The following ZBTB41 variants were observed in gnomAD, a reference collection of about 807,000 sequenced individuals.
The protein encoded by ZBTB41 is zinc finger and BTB domain-containing protein 41.
In ZBTB41, 42 loss-of-function variants were observed where a neutral mutation model predicts 87.6. The ratio of observed to expected loss-of-function variants is 0.48; its 90% CI spans 0.37 to 0.62. The LOEUF is 0.62. ZBTB41 is among the 20% of genes least tolerant of loss of function. The pLI is 0.00. For synonymous variants in ZBTB41, 364 were observed against 364.0 expected, an observed-to-expected ratio of 1.00 and a Z score of 0.00; for missense variants, 799 against 1,078.9, an observed-to-expected ratio of 0.74 and a Z score of 3.63.
chr1:197,187,442 T>C lies in ZBTB41; in HGVS notation c.1546+850A>G, dbSNP rs114882462. On this transcript the variant is annotated intron_variant, in intron 5 of 10. Transcript: ENST00000367405. Reference sequence around the variant, plus strand: ...GGATGCTCCAGTCCGTTATCTAAAGTGGTGTAGTATTTACATGGAAACTAT... The same window carrying C: ...GGATGCTCCAGTCCGTTATCTAAAGCGGTGTAGTATTTACATGGAAACTAT... Among the ~76,000 whole-genome samples, 1,190 of 152,278 alleles carry C rather than the reference T, an allele frequency of 7.8e-3. 10 individuals carry two copies. The highest frequency in any genetic ancestry group is 0.026 in the African/African-American group (1,081 of 41,550).
At chr1:197,180,679 A>C (rs1213731809) in intron 6 of ZBTB41, among the ~76,000 whole-genome samples, 2 of 152,064 alleles carry the variant, frequency 1.3e-5, no homozygotes, top group Non-Finnish European at 1.5e-5. Flanking sequence ...TTCATGTTAC[A>C]TTTCTGTTCT....
intron 9 of ZBTB41, 70 bp downstream of exon 9, chr1:197,174,939 CA>C (rs1659566205): frequency 1.2e-5 from 15 of 1,269,388 alleles, no homozygotes; most frequent in Middle Eastern, 1.9e-4. Context: ...ACAAAGTAAA[CA>C]AAAAAAGTTA....
chr1:197,188,190 T>C, intron 5 of ZBTB41, 102 bp downstream of exon 5: 1 of 1,387,676 alleles, frequency 7.2e-7, no homozygotes, highest in Non-Finnish European at 9.9e-7. Context: ...TCTTAAAAAG[T>C]CTTTTAGAAG....
At chr1:197,194,431 T>G (rs943069823) in intron 2 of ZBTB41, among the ~76,000 whole-genome samples, 10 of 152,174 alleles carry the variant, frequency 6.6e-5, no homozygotes, top group Admixed American at 5.9e-4. Context: ...AGATGTTAAA[T>G]TAATAATTAG....
chr1:197,197,138 T>A (rs938018237), intron 2 of ZBTB41, among the ~76,000 whole-genome samples: 2 of 151,988 alleles, frequency 1.3e-5, no homozygotes, highest in African/African-American at 2.4e-5. Context: ...TTAATCCTCA[T>A]AATAACCTTT....
intron 4 of ZBTB41, among the ~76,000 whole-genome samples, chr1:197,189,386 C>T (rs951673189): frequency 2.6e-5 from 4 of 151,934 alleles, no homozygotes; most frequent in Admixed American, 6.6e-5. Context: ...ATTAGTTGGG[C>T]GTGGTAGTGT....
intron 8 of ZBTB41, among the ~76,000 whole-genome samples, chr1:197,176,219 A>T (rs1219635466): frequency 1.3e-5 from 2 of 152,102 alleles, no homozygotes; most frequent in Non-Finnish European, 2.9e-5. Context: ...AATCAAAATG[A>T]GAAAAATTAT....
intron 8 of ZBTB41, chr1:197,175,992 C>G (rs911067635): frequency 3.3e-5 from 5 of 152,044 alleles, no homozygotes; most frequent in Non-Finnish European, 7.4e-5. Flanking sequence ...AGTTGGCTCT[C>G]TTAGCACTTC....
At chr1:197,166,864 C>A (rs138866941) in intron 10 of ZBTB41, among the ~76,000 whole-genome samples, 2,086 of 151,732 alleles carry the variant, frequency 0.014, 16 homozygotes, top group African/African-American at 0.028. Flanking sequence ...ACAACAACAA[C>A]AAAAAAATTT....
chr1:197,200,455 C>G lies in ZBTB41; in HGVS notation c.19G>C (p.Val7Leu), dbSNP rs746076257. Reference sequence around the variant, plus strand: ...TGGATCTTCTCAAGATTTGAAGTAACCTTTCTCCTCTTCTTCATTGCAGTA... The same window carrying G: ...TGGATCTTCTCAAGATTTGAAGTAAGCTTTCTCCTCTTCTTCATTGCAGTA... MKKRRKVTSNLEKIHLG... is the reference protein window; with the variant it reads MKKRRKLTSNLEKIHLG... Residue 7 changes from valine (V) to leucine (L), a missense_variant, in exon 2 of 11, where the codon GTT (valine) becomes CTT (leucine). Around this residue, in one of 5 missense-constraint regions of ZBTB41, gnomAD observed 77 missense variants for 68.4 expected, o/e 1.13. Transcript: ENST00000367405. The G allele has an allele frequency of 1.3e-6, 2 of 1,593,930 alleles. No homozygotes were observed. Among genetic ancestry groups the G allele is most frequent in the Admixed American group, 1.8e-5 (1 of 55,114 alleles).
At position 197,156,375 on chromosome 1, in the gene ZBTB41, T is replaced by G. The variant is rs1275804587; in HGVS notation, c.*2984A>C. ...TAGATTAACACATTCCTGCACTTGA[T>G]AAATTATTCAATTTACAGATTAAGT... On this transcript the variant is annotated 3_prime_UTR_variant, in exon 11 of 11. Coordinates refer to ENST00000367405, the MANE Select transcript of ZBTB41 (RefSeq NM_194314.3). 1 of 152,262 alleles carries G rather than the reference T, an allele frequency of 6.6e-6. No homozygotes were observed. Among genetic ancestry groups the G allele is most frequent in the Non-Finnish European group, 1.5e-5 (1 of 67,754 alleles). 9.4% of individuals were successfully genotyped at this position (152,262 alleles called of 1,614,324 possible).
chr1:197,198,961 C>T (rs1227089704), intron 2 of ZBTB41, among the ~76,000 whole-genome samples: 1 of 151,988 alleles, frequency 6.6e-6, no homozygotes, highest in Non-Finnish European at 1.5e-5. Context: ...TTACCATGCA[C>T]GGGGAAAACA....
At chr1:197,185,622 C>T (rs887044461) in intron 5 of ZBTB41, among the ~76,000 whole-genome samples, 1 of 151,378 alleles carries the variant, frequency 6.6e-6, no homozygotes, top group Non-Finnish European at 1.5e-5. Context: ...AAAAACCCCC[C>T]AACACACACA....
rs771569571 is a variant in ZBTB41, at chr1:197,159,810, T to C, written c.2279A>G (p.Glu760Gly). Residue 760 changes from glutamate to glycine, a missense_variant, in exon 11 of 11, where the codon GAG becomes GGG. This residue lies in a region of ZBTB41 where 171 missense variants were observed against 191.9 expected (regional missense o/e 0.89). Coordinates refer to ENST00000367405, the MANE Select transcript of ZBTB41 (RefSeq NM_194314.3). Reference sequence around the variant, plus strand: ...AACTGGCAAGGATACAAGTTTTTCCTCAGAAGTACTGAGAGGATCATCAGG... The same window carrying C: ...AACTGGCAAGGATACAAGTTTTTCCCCAGAAGTACTGAGAGGATCATCAGG... ...KSPDDPLSTS[E>G]EKLVSLPVEY... The C allele has an allele frequency of 6.2e-7, 1 of 1,614,016 alleles. No homozygotes were observed. The highest frequency in any genetic ancestry group is 8.5e-7 in the Non-Finnish European group (1 of 1,179,902).
chr1:197,187,445 T>A (rs1362169213), intron 5 of ZBTB41, among the ~76,000 whole-genome samples: 1 of 152,176 alleles, frequency 6.6e-6, no homozygotes. Flanking sequence ...TCTAAAGTGG[T>A]GTAGTATTTA....
chr1:197,157,845 C>T lies in ZBTB41; in HGVS notation c.*1514G>A, dbSNP rs1447639764. On this transcript the variant is annotated 3_prime_UTR_variant, in exon 11 of 11. Transcript: ENST00000367405. ...ATTGATTAAACTTTATTCATTAAAACTTCACTGTTTTATTTGTGATTTTTT... is the reference window on the plus strand; with the variant it reads ...ATTGATTAAACTTTATTCATTAAAATTTCACTGTTTTATTTGTGATTTTTT... The T allele has an allele frequency of 2.0e-5, 3 of 152,408 alleles. No homozygotes were observed. In the East Asian group the frequency reaches 5.8e-4, roughly 29 times the overall value. The allele number at this position is 152,408 out of a possible 1,614,324, so 9.4% of individuals were successfully genotyped here.
At chr1:197,178,829 A>G (rs1226605204) in intron 6 of ZBTB41, among the ~76,000 whole-genome samples, 1 of 152,162 alleles carries the variant, frequency 6.6e-6, no homozygotes, top group African/African-American at 2.4e-5. Context: ...AGTTGATGTG[A>G]ATTTTGATAG....
chr1:197,194,046 A>G (rs1384382479), intron 2 of ZBTB41, among the ~76,000 whole-genome samples: 1 of 150,942 alleles, frequency 6.6e-6, no homozygotes, highest in Non-Finnish European at 1.5e-5. Flanking sequence ...TTTGAGACGG[A>G]GTTTTGCTCT....
intron 10 of ZBTB41, among the ~76,000 whole-genome samples, chr1:197,164,734 G>A (rs5020436): frequency 0.039 from 1,910 of 49,216 alleles, 17 homozygotes; most frequent in East Asian, 0.12. Context: ...TATATAATAC[G>A]TATCTAATAT....
Sources: allele counts gnomAD v4.1 joint callset (sites outside exome capture counted in the v4.1 genomes callset), GRCh38; gene constraint gnomAD v4.1.1; regional missense constraint gnomAD v4.1.1; transcripts MANE v1.5; gene names NCBI Gene and HGNC (gene_info 2026-07-23, HGNC 2026-07-21).